Variants in SYT14 observed in about 807,000 individuals in gnomAD.
The protein encoded by SYT14 is synaptotagmin 14.
A neutral mutation model predicts 74.2 loss-of-function variants in SYT14; 32 were observed. The ratio of observed to expected loss-of-function variants is 0.43; its 90% CI spans 0.33 to 0.58. SYT14 has a LOEUF of 0.58. SYT14 is among the 20% of genes least tolerant of loss of function. The pLI is 0.05. For synonymous variants in SYT14, 298 were observed against 337.7 expected (o/e 0.88, Z 1.29); for missense variants, 791 against 981.8 (o/e 0.81, Z 2.60).
At chr1:210,092,628 CTA>C (rs1401062983) in intron 5 of SYT14, among the ~76,000 whole-genome samples, 1 of 152,152 alleles carries the variant, frequency 6.6e-6, no homozygotes, top group Non-Finnish European at 1.5e-5. Flanking sequence ...GGTTTTTTGG[CTA>C]TGACTTGCAA....
At chr1:210,062,253 A>C (rs1306560254) in intron 5 of SYT14, among the ~76,000 whole-genome samples, 1 of 151,886 alleles carries the variant, frequency 6.6e-6, no homozygotes, top group Non-Finnish European at 1.5e-5. Context: ...AAATAGAACT[A>C]ATAACCAAGT....
intron 7 of SYT14, among the ~76,000 whole-genome samples, chr1:210,108,577 G>C (rs1275874875): frequency 1.3e-5 from 2 of 151,888 alleles, no homozygotes; most frequent in Non-Finnish European, 2.9e-5. Context: ...GAATGTTTTT[G>C]AGGTGAGGAG....
At chr1:209,976,478 G>A (rs1420356048) in intron 2 of SYT14, among the ~76,000 whole-genome samples, 2 of 152,058 alleles carry the variant, frequency 1.3e-5, no homozygotes, top group East Asian at 3.9e-4. Flanking sequence ...AGGCATTCAG[G>A]AGCAGGTTGT....
At chr1:210,013,155 C>T (rs1159720533) in intron 2 of SYT14, among the ~76,000 whole-genome samples, 1 of 151,166 alleles carries the variant, frequency 6.6e-6, no homozygotes, top group African/African-American at 2.4e-5. Context: ...ACTGCAGCCT[C>T]TGTCTCCCAG....
At chr1:210,142,571 G>T (rs1197212070) in intron 7 of SYT14, among the ~76,000 whole-genome samples, 2 of 152,130 alleles carry the variant, frequency 1.3e-5, no homozygotes, top group Non-Finnish European at 2.9e-5. Context: ...CATGGAGATT[G>T]GTGAACTGTA....
intron 1 of SYT14, among the ~76,000 whole-genome samples, chr1:209,938,963 G>A (rs2078683553): frequency 6.6e-6 from 1 of 152,146 alleles, no homozygotes; most frequent in South Asian, 2.1e-4. Context: ...CACATTCTTA[G>A]AATCCTGCAA....
At chr1:210,142,047 A>G (rs1245100205) in intron 7 of SYT14, among the ~76,000 whole-genome samples, 5 of 152,248 alleles carry the variant, frequency 3.3e-5, no homozygotes, top group South Asian at 2.1e-4. Context: ...TTCTAAGGAT[A>G]TAGTTCTTAT....
chr1:209,938,815 C>T (rs1388542516), intron 1 of SYT14, among the ~76,000 whole-genome samples: 1 of 152,020 alleles, frequency 6.6e-6, no homozygotes, highest in African/African-American at 2.4e-5. Flanking sequence ...CTGCCCGTTC[C>T]CCTTCTGTTT....
chr1:210,023,254 G>C (rs1277628781), intron 5 of SYT14, among the ~76,000 whole-genome samples: 1 of 152,120 alleles, frequency 6.6e-6, no homozygotes, highest in Non-Finnish European at 1.5e-5. Context: ...CTACTGACTG[G>C]AGGAGGAAAA....
In SYT14 at chr1:210,016,475, A is replaced by C. The variant is rs143431857; in HGVS notation, c.472A>C (p.Asn158His). ...TGGTGGGATATCAGTTATCAGACAG[A>C]ATACAAGGGCTGGATCTATTTGTCA... The change falls in exon 4 of 10, where the codon AAT (asparagine) becomes CAT (histidine). Residue 158 changes from asparagine to histidine, a missense_variant. Coordinates refer to ENST00000637265, the Ensembl canonical transcript of SYT14. 93 of 1,232,082 alleles carry C rather than the reference A, an allele frequency of 7.5e-5. 1 individual carries two copies. The African/African-American group carries it at 1.3e-3, about 18-fold the overall frequency. The allele number at this position is 1,232,082 out of a possible 1,614,324, so 76.3% of individuals were successfully genotyped here.
At chr1:210,074,931 C>T (rs199993209) in intron 5 of SYT14, among the ~76,000 whole-genome samples, 1 of 152,172 alleles carries the variant, frequency 6.6e-6, no homozygotes, top group Admixed American at 6.5e-5. Context: ...CCTGCCTTAT[C>T]GCAAGGACAG....
chr1:209,972,479 G>T (rs1210591522), intron 2 of SYT14, among the ~76,000 whole-genome samples: 1 of 151,856 alleles, frequency 6.6e-6, no homozygotes, highest in East Asian at 1.9e-4. Flanking sequence ...TTAGGTAGGT[G>T]TATAGCACTA....
chr1:209,974,825 T>C (rs2079327444), intron 2 of SYT14, among the ~76,000 whole-genome samples: 1 of 152,234 alleles, frequency 6.6e-6, no homozygotes, highest in Admixed American at 6.5e-5. Flanking sequence ...TTCACAATAT[T>C]GATTATTCCT....
chr1:209,959,666 C>T (rs1369717588), intron 2 of SYT14, among the ~76,000 whole-genome samples: 1 of 152,080 alleles, frequency 6.6e-6, no homozygotes, highest in Non-Finnish European at 1.5e-5. Context: ...AAACCAGACA[C>T]AAAAGGCCAC....
At chr1:209,975,731 G>A (rs1439104027) in intron 2 of SYT14, among the ~76,000 whole-genome samples, 1 of 152,176 alleles carries the variant, frequency 6.6e-6, no homozygotes, top group East Asian at 1.9e-4. Context: ...AATGAGTTAG[G>A]GAGGATTCCC....
intron 2 of SYT14, among the ~76,000 whole-genome samples, chr1:209,983,487 A>G (rs1323584092): frequency 1.3e-5 from 2 of 152,078 alleles, no homozygotes; most frequent in East Asian, 1.9e-4. Context: ...CAAATCTGCC[A>G]TTGAACATCT....
chr1:209,950,453 A>C (rs1487615086), intron 1 of SYT14, among the ~76,000 whole-genome samples: 1 of 152,194 alleles, frequency 6.6e-6, no homozygotes, highest in Non-Finnish European at 1.5e-5. Context: ...CTAGCCTTTC[A>C]GCAAGTGATC....
At chr1:210,127,629 C>T (rs1572348148) in intron 7 of SYT14, among the ~76,000 whole-genome samples, 1 of 152,156 alleles carries the variant, frequency 6.6e-6, no homozygotes. Context: ...CAAATTCATG[C>T]TTTAATATGA....
At chr1:209,966,232 G>A (rs1450046428) in intron 2 of SYT14, among the ~76,000 whole-genome samples, 2 of 152,086 alleles carry the variant, frequency 1.3e-5, no homozygotes, top group African/African-American at 4.8e-5. Context: ...ATACCAAAGT[G>A]TCTTTATTAC....
Sources: gnomAD v4.1 joint callset for allele counts (sites outside exome capture counted in the v4.1 genomes callset) on GRCh38, gnomAD v4.1.1 for gene constraint, MANE v1.5 for transcripts, NCBI Gene and HGNC (gene_info 2026-07-23, HGNC 2026-07-21) for gene names.